The following ZNF804A variants were observed in gnomAD, a reference collection of about 807,000 sequenced individuals.
The protein encoded by ZNF804A is zinc finger protein 804A.
ZNF804A carries 2 observed loss-of-function variants against 16.5 expected under a neutral mutation model. The observed-to-expected ratio is 0.12, with a 90% CI of 0.05 to 0.38. The LOEUF (loss-of-function observed/expected upper bound fraction) is 0.38. Among genes scored for constraint, ZNF804A ranks in the 10% least tolerant of loss-of-function variants. ZNF804A has a pLI of 0.99. For synonymous variants in ZNF804A, 534 were observed against 489.6 expected, an observed-to-expected ratio of 1.09 and a Z score of -1.20; for missense variants, 1,473 against 1,390.7, an observed-to-expected ratio of 1.06 and a Z score of -0.94.
intron 1 of ZNF804A, among the ~76,000 whole-genome samples, chr2:184,790,264 A>G (rs1348154144): frequency 1.3e-5 from 2 of 151,296 alleles, no homozygotes; most frequent in African/African-American, 2.4e-5. Context: ...ATGGCCAATC[A>G]TATGGTCGAT....
chr2:184,876,884 C>T (rs1272771381), intron 2 of ZNF804A, among the ~76,000 whole-genome samples: 1 of 151,794 alleles, frequency 6.6e-6, no homozygotes, highest in Non-Finnish European at 1.5e-5. Flanking sequence ...TATTCCCCAC[C>T]AAAAGAAAAA....
intron 1 of ZNF804A, among the ~76,000 whole-genome samples, chr2:184,816,888 G>A (rs1694991063): frequency 1.3e-5 from 2 of 151,944 alleles, no homozygotes; most frequent in African/African-American, 4.8e-5. Flanking sequence ...TTTTAATGGT[G>A]AGAAGGGATG....
At chr2:184,845,698 G>A (rs1311216832) in intron 1 of ZNF804A, among the ~76,000 whole-genome samples, 1 of 152,122 alleles carries the variant, frequency 6.6e-6, no homozygotes, top group Non-Finnish European at 1.5e-5. Flanking sequence ...CACATGCCAA[G>A]GACATGAGAG....
chr2:184,642,024 A>C (rs566475731), intron 1 of ZNF804A, among the ~76,000 whole-genome samples: 27 of 151,986 alleles, frequency 1.8e-4, no homozygotes, highest in African/African-American at 6.5e-4. Context: ...CTCATCAAGC[A>C]CACACACACA....
At chr2:184,646,441 G>A (rs1458588119) in intron 1 of ZNF804A, among the ~76,000 whole-genome samples, 2 of 152,160 alleles carry the variant, frequency 1.3e-5, no homozygotes, top group African/African-American at 4.8e-5. Flanking sequence ...TGTGGTTTAT[G>A]CCCAGGCAGA....
At chr2:184,879,330 T>C (rs1308497078) in intron 2 of ZNF804A, among the ~76,000 whole-genome samples, 1 of 152,096 alleles carries the variant, frequency 6.6e-6, no homozygotes, top group African/African-American at 2.4e-5. Flanking sequence ...GACTTCTTTA[T>C]TATGGTCACA....
At chr2:184,600,640 G>T (rs1691030130) in intron 1 of ZNF804A, among the ~76,000 whole-genome samples, 1 of 152,152 alleles carries the variant, frequency 6.6e-6, no homozygotes, top group Non-Finnish European at 1.5e-5. Flanking sequence ...TAATGCACAA[G>T]ATTTCATTTC....
At chr2:184,914,816 C>T (rs1426369399) in intron 2 of ZNF804A, among the ~76,000 whole-genome samples, 1 of 151,668 alleles carries the variant, frequency 6.6e-6, no homozygotes, top group East Asian at 1.9e-4. Context: ...ATTATTTTCC[C>T]ATTACATCAA....
chr2:184,809,858 C>A (rs765937720), intron 1 of ZNF804A, among the ~76,000 whole-genome samples: 1 of 151,896 alleles, frequency 6.6e-6, no homozygotes, highest in Non-Finnish European at 1.5e-5. Flanking sequence ...TTATAAATAT[C>A]GAGGTATAAT....
intron 1 of ZNF804A, among the ~76,000 whole-genome samples, chr2:184,806,154 G>T (rs997156037): frequency 2.0e-5 from 3 of 151,850 alleles, no homozygotes; most frequent in African/African-American, 7.2e-5. Flanking sequence ...ATTAATAAAT[G>T]GCATTGAATA....
At chr2:184,641,094 A>T (rs1343772990) in intron 1 of ZNF804A, among the ~76,000 whole-genome samples, 1 of 152,164 alleles carries the variant, frequency 6.6e-6, no homozygotes, top group East Asian at 1.9e-4. Context: ...AGCTGGGATT[A>T]CAGGAGCCGG....
chr2:184,644,593 A>G (rs2105696045), intron 1 of ZNF804A, among the ~76,000 whole-genome samples: 1 of 152,062 alleles, frequency 6.6e-6, no homozygotes, highest in South Asian at 2.1e-4. Flanking sequence ...TCGTCATTAA[A>G]TCTTATACTA....
intron 1 of ZNF804A, among the ~76,000 whole-genome samples, chr2:184,851,961 A>G (rs1318392935): frequency 4.6e-5 from 7 of 151,632 alleles, no homozygotes; most frequent in Non-Finnish European, 8.9e-5. Flanking sequence ...TGTTTCATAT[A>G]TCTTTGGGGC....
intron 1 of ZNF804A, among the ~76,000 whole-genome samples, chr2:184,804,519 A>G (rs1694774060): frequency 6.6e-6 from 1 of 152,254 alleles, no homozygotes; most frequent in Admixed American, 6.5e-5. Flanking sequence ...ATTGAATTAA[A>G]TATGCATTTT....
rs139651402 is a variant in ZNF804A, at chr2:184,785,438, T to A, written c.112-80931T>A. Among the ~76,000 whole-genome samples, 325 of 152,154 alleles carry A rather than the reference T, an allele frequency of 2.1e-3. 1 individual carries two copies. Among genetic ancestry groups the A allele is most frequent in the Middle Eastern group, 6.8e-3 (2 of 294 alleles). ...CATGAATAACTATTAATTTTTTATC[T>A]GTTAAAACCACCCTTATCATCACAC... On this transcript the variant is annotated intron_variant, in intron 1 of 3. Transcript: ENST00000302277.
chr2:184,829,899 CA>C (rs1244566222), intron 1 of ZNF804A, among the ~76,000 whole-genome samples: 308 of 38,918 alleles, frequency 7.9e-3, no homozygotes, highest in Admixed American at 0.03. Context: ...CTGTCTCTAC[CA>C]AAAAAAAAAA....
intron 1 of ZNF804A, among the ~76,000 whole-genome samples, chr2:184,743,024 G>GTA (rs1693732335): frequency 6.6e-6 from 1 of 151,836 alleles, no homozygotes; most frequent in Non-Finnish European, 1.5e-5. Context: ...AAAATTTCTG[G>GTA]TATATATATC....
At chr2:184,630,544 G>A (rs749392623) in intron 1 of ZNF804A, among the ~76,000 whole-genome samples, 20 of 152,232 alleles carry the variant, frequency 1.3e-4, no homozygotes, top group South Asian at 4.1e-4. Context: ...TGATTCAAAA[G>A]CAAAAAGAGT....
intron 1 of ZNF804A, among the ~76,000 whole-genome samples, chr2:184,862,001 C>G (rs992722305): frequency 3.3e-5 from 5 of 152,160 alleles, no homozygotes; most frequent in African/African-American, 9.7e-5. Context: ...AATGACCTGA[C>G]TCGTTGCAGG....
Sources: allele counts gnomAD v4.1 joint callset (sites outside exome capture counted in the v4.1 genomes callset), GRCh38; gene constraint gnomAD v4.1.1; transcripts MANE v1.5; gene names NCBI Gene and HGNC (gene_info 2026-07-23, HGNC 2026-07-21).